SDK2: variants seen among roughly 807,000 people sequenced by gnomAD.
SDK2 encodes the protein sidekick cell adhesion molecule 2, also known as protein sidekick-2.
SDK2 carries 105 observed loss-of-function variants against 253.9 expected under a neutral mutation model. The ratio of observed to expected loss-of-function variants is 0.41; its 90% CI spans 0.35 to 0.49. The LOEUF (loss-of-function observed/expected upper bound fraction) is 0.49, where lower values mean the gene tolerates loss of function less well. Ranked by LOEUF, SDK2 falls within the 20% of genes least tolerant of loss-of-function variation. The probability of loss-of-function intolerance (pLI) is 0.06; values close to 1 mark genes in which losing one functional copy is unlikely to be tolerated. For missense variants in SDK2, 2,608 were observed against 3,003.0 expected, an observed-to-expected ratio of 0.87 and a Z score of 3.07; for synonymous variants, 1,249 against 1,234.9, an observed-to-expected ratio of 1.01 and a Z score of -0.24.
rs1019949009 is a variant in SDK2 at position 73,350,731 on chromosome 17, C to T, written c.5818G>A (p.Gly1940Ser). ...WWFLVVIALV[G>S]LIFILLLVFV... ...ACCAGAAGCAGGATGAAGATGAGGC[C>T]GACCAGGGCAATGACCACCAAGAAC... Residue 1940 changes from glycine to serine, a missense_variant, in exon 42 of 45, where the codon GGC becomes AGC. Around this residue, in one of 2 missense-constraint regions of SDK2, gnomAD observed 1,103 missense variants for 1,143.9 expected, o/e 0.96. Coordinates refer to ENST00000392650, the MANE Select transcript of SDK2 (RefSeq NM_001144952.2). 17 of 1,613,414 alleles carry T rather than the reference C, an allele frequency of 1.1e-5. No homozygotes were observed. Among genetic ancestry groups the T allele is most frequent in the East Asian group, 2.2e-5 (1 of 44,836 alleles).
At position 73,643,140 on chromosome 17, in the gene SDK2, G is replaced by A. The variant is rs891004558; in HGVS notation, c.64+885C>T. On this transcript the variant is annotated intron_variant, in intron 1 of 44. Coordinates refer to ENST00000392650, the MANE Select transcript of SDK2 (RefSeq NM_001144952.2). This position sits in a 1 kb window ranked among gnomAD's most constrained non-coding sequence, Gnocchi z 6.9. ...CCTTCACCTCGGGGACCTGCCCGGG[G>A]ACCAGGGGGACGTCTGGGCATCCAC... The A allele has an allele frequency of 6.6e-6, 1 of 152,440 alleles. No homozygotes were observed. The highest frequency in any genetic ancestry group is 6.5e-5 in the Admixed American group (1 of 15,296). The allele number at this position is 152,440 out of a possible 1,614,324, so 9.4% of individuals were successfully genotyped here.
At chr17:73,565,924 A>C (rs990904740) in intron 1 of SDK2, among the ~76,000 whole-genome samples, 4 of 152,196 alleles carry the variant, frequency 2.6e-5, no homozygotes. Context: ...CCCAGGTTCA[A>C]GCGATTCTCC....
intron 1 of SDK2, 69 bp from the exon 2 acceptor site, chr17:73,507,666 T>C (rs1599632768): frequency 1.3e-6 from 2 of 1,482,850 alleles, no homozygotes; most frequent in East Asian, 5.0e-5. Context: ...GCGTTTAGTA[T>C]CCTAAGGCCC....
intron 1 of SDK2, among the ~76,000 whole-genome samples, chr17:73,573,828 C>A (rs1240241030): frequency 6.6e-6 from 1 of 152,262 alleles, no homozygotes; most frequent in Non-Finnish European, 1.5e-5. Flanking sequence ...CCTGCAAAGG[C>A]CTGTGTGGAT....
chr17:73,579,246 T>G (rs1232912435), intron 1 of SDK2, among the ~76,000 whole-genome samples: 1 of 152,136 alleles, frequency 6.6e-6, no homozygotes, highest in Non-Finnish European at 1.5e-5. Flanking sequence ...CAGTCACAGA[T>G]CCAAGTGATC....
At chr17:73,539,198 G>A (rs1197971719) in intron 1 of SDK2, among the ~76,000 whole-genome samples, 1 of 152,180 alleles carries the variant, frequency 6.6e-6, no homozygotes, top group Non-Finnish European at 1.5e-5. Flanking sequence ...GAGAAGCTTT[G>A]GAGATGTTTC....
At chr17:73,603,648 T>A (rs1197727966) in intron 1 of SDK2, among the ~76,000 whole-genome samples, 2 of 152,190 alleles carry the variant, frequency 1.3e-5, no homozygotes, top group African/African-American at 2.4e-5. Flanking sequence ...CCAGGAACTT[T>A]TCAGTGATCC....
At chr17:73,351,814 G>A (rs2062541230) in intron 41 of SDK2, among the ~76,000 whole-genome samples, 1 of 152,050 alleles carries the variant, frequency 6.6e-6, no homozygotes, top group Non-Finnish European at 1.5e-5. Context: ...TTATCAATGT[G>A]GGTAAAGGAG....
chr17:73,399,220 C>A lies in SDK2; in HGVS notation c.3041G>T (p.Arg1014Met), dbSNP rs71380175. The A allele has an allele frequency of 6.2e-7, 1 of 1,613,970 alleles. No individual in the cohort carries two copies. Among genetic ancestry groups the A allele is most frequent in the South Asian group, 1.1e-5 (1 of 91,074 alleles). Residue 1014 changes from arginine (R) to methionine (M), a missense_variant, in exon 22 of 45, where the codon AGG becomes ATG. Around this residue, in one of 2 missense-constraint regions of SDK2, gnomAD observed 1,505 missense variants for 1,859.1 expected, o/e 0.81. Transcript: ENST00000392650. ...GGAGGTTTTCCCATCGTAGCCTGGC[C>A]TGAACTGCAAGGTCACAGAGCGGGG... ...IGPRSVTLQF[R>M]PGYDGKTSIS...
intron 17 of SDK2, 55 bp from the exon 18 acceptor site, chr17:73,414,814 G>T (rs1258227951): frequency 8.7e-7 from 1 of 1,146,290 alleles, no homozygotes; most frequent in Non-Finnish European, 1.3e-6. Context: ...AGTCTCTCTT[G>T]CCCAGTTCAG....
intron 1 of SDK2, among the ~76,000 whole-genome samples, chr17:73,600,151 C>T (rs571183560): frequency 3.3e-5 from 5 of 152,274 alleles, no homozygotes; most frequent in African/African-American, 9.6e-5. Flanking sequence ...GGCCTGAGCC[C>T]GGGGCAGACC....
intron 1 of SDK2, among the ~76,000 whole-genome samples, chr17:73,572,823 T>TCCAC (rs1023068170): frequency 2.0e-5 from 3 of 152,178 alleles, no homozygotes; most frequent in South Asian, 2.1e-4. Flanking sequence ...CATCTACTCC[T>TCCAC]CCACCCCAAT....
chr17:73,387,898 G>A lies in SDK2; in HGVS notation c.4332C>T (p.Ser1444=), dbSNP rs144178058. Residue 1444 remains serine (S), a synonymous_variant, in exon 30 of 45, where the codon AGC becomes AGT. Transcript: ENST00000392650. The stretch of plus-strand genomic sequence containing the variant: ...AGGCCGAGTGCAGTGCCCACCTGCC[G>A]CTGGGCAGCTCGCGGGTCTGGATGG... ...YYTIQTRELP[S]GRWALHSASV... 254 of 1,592,488 alleles carry A rather than the reference G, an allele frequency of 1.6e-4. No individual in the cohort carries two copies. The African/African-American group carries it at 3.1e-3, about 19-fold the overall frequency.
At chr17:73,640,292 G>A (rs548262802) in intron 1 of SDK2, among the ~76,000 whole-genome samples, 14 of 151,854 alleles carry the variant, frequency 9.2e-5, no homozygotes, top group Non-Finnish European at 1.5e-4. Flanking sequence ...TGGGATTTCC[G>A]AGGCAGGTGT....
rs761451844 is a variant in SDK2, at chr17:73,352,506, C to T, written c.5725G>A (p.Gly1909Ser). 11 of 1,613,782 alleles carry T rather than the reference C, an allele frequency of 6.8e-6. No individual in the cohort carries two copies. The highest frequency in any genetic ancestry group is 2.2e-5 in the East Asian group (1 of 44,876). The change falls in exon 41 of 45, where the codon GGC becomes AGC. Residue 1909 changes from glycine to serine, a missense_variant. Transcript: ENST00000392650. This position sits in a 1 kb window ranked among gnomAD's most constrained non-coding sequence, Gnocchi z 4.1. Reference sequence around the variant, plus strand: ...GACTGGGAGGGGCTGCTGGGGGTGCCGAAACCATAGTCGTTGACCGCGATG... The same window carrying T: ...GACTGGGAGGGGCTGCTGGGGGTGCTGAAACCATAGTCGTTGACCGCGATG... ...RVIAVNDYGF[G>S]TPSSPSQSVP...
chr17:73,363,600 A>G (rs2062659226), intron 38 of SDK2, among the ~76,000 whole-genome samples: 1 of 152,112 alleles, frequency 6.6e-6, no homozygotes, highest in Admixed American at 6.6e-5. Context: ...TGGGGTGTGG[A>G]CACTGGGCTG....
At chr17:73,414,869 C>A in intron 17 of SDK2, 110 bp from the exon 18 acceptor site, 1 of 667,310 alleles carries the variant, frequency 1.5e-6, no homozygotes, top group Non-Finnish European at 2.7e-6. Flanking sequence ...GCCTTGCACC[C>A]CCCTACCCCA....
rs927625576 is a variant in SDK2, at chr17:73,422,488, GCTT to G, written c.1898-57_1898-55del. Reference sequence around the variant, plus strand: ...GGGTATCTTGGGTGGGATGAAGCATGCTTCTTACTCCCCACTCCCAGCAGGGTC... The same window carrying G: ...GGGTATCTTGGGTGGGATGAAGCATGCTTACTCCCCACTCCCAGCAGGGTC... On this transcript the variant is annotated intron_variant, in intron 14 of 44. Coordinates refer to ENST00000392650, the MANE Select transcript of SDK2 (RefSeq NM_001144952.2). The G allele has an allele frequency of 6.3e-6, 10 of 1,579,414 alleles. No individual in the cohort carries two copies. The Admixed American group carries it at 1.3e-4, about 21-fold the overall frequency.
chr17:73,468,991 AT>A (rs1278925870), intron 3 of SDK2, among the ~76,000 whole-genome samples: 1 of 145,264 alleles, frequency 6.9e-6, no homozygotes, highest in Non-Finnish European at 1.5e-5. Flanking sequence ...TGCCCGGCTA[AT>A]TTTTGTATTC....
Sources: gnomAD v4.1 joint callset for allele counts (sites outside exome capture counted in the v4.1 genomes callset) on GRCh38, gnomAD v4.1.1 for gene constraint, gnomAD v4.1.1 regional missense constraint, Gnocchi (gnomAD v3.1) non-coding constraint, MANE v1.5 for transcripts, NCBI Gene and HGNC (gene_info 2026-07-23, HGNC 2026-07-21) for gene names.